Variants in ZNF331 observed in about 807,000 individuals in gnomAD.
ZNF331 encodes C2H2-like zinc finger protein rearranged in thyroid adenomas.
ZNF331 carries 2 observed loss-of-function variants against 7.0 expected under a neutral mutation model. That is an observed-to-expected ratio of 0.29 (90% confidence interval 0.12 to 0.90). The LOEUF (loss-of-function observed/expected upper bound fraction) is 0.90, where lower values mean the gene tolerates loss of function less well. Ranked by LOEUF, ZNF331 falls within the 40% of genes least tolerant of loss-of-function variation. The pLI is 0.58. For missense variants in ZNF331, 432 were observed against 587.7 expected, an observed-to-expected ratio of 0.74 and a Z score of 2.74; for synonymous variants, 196 against 205.4, an observed-to-expected ratio of 0.95 and a Z score of 0.39.
chr19:53,508,859 G>A, the ZNF331 span, among the ~76,000 whole-genome samples: 1 of 152,256 alleles, frequency 6.6e-6, no homozygotes, highest in Non-Finnish European at 1.5e-5. Context: ...GACAGTAGGG[G>A]ATCATGAGAA....
At chr19:53,533,357 G>A (rs1244340072), upstream of ZNF331, among the ~76,000 whole-genome samples, 1 of 152,148 alleles carries the variant, frequency 6.6e-6, no homozygotes, top group Non-Finnish European at 1.5e-5. Context: ...AAAGATGCTT[G>A]ATAGGATTTC....
chr19:53,550,575 C>CACCCATG (rs2088929403), intron 2 of ZNF331, among the ~76,000 whole-genome samples: 1 of 103,234 alleles, frequency 9.7e-6, no homozygotes, highest in African/African-American at 3.8e-5. Flanking sequence ...CTCGCTGTAT[C>CACCCATG]ACCCATGCTG....
At chr19:53,534,218 G>A (rs2087650864), upstream of ZNF331, among the ~76,000 whole-genome samples, 1 of 152,052 alleles carries the variant, frequency 6.6e-6, no homozygotes, top group Non-Finnish European at 1.5e-5. Context: ...CTTTTTGGAG[G>A]CTCTAGGAGG....
rs1217855839 is a variant in ZNF331, at chr19:53,571,643, CAGG to C, written c.55_57del (p.Glu19del). On this transcript the variant is annotated inframe_deletion, in exon 5 of 6. Coordinates refer to ENST00000449416, the MANE Select transcript of ZNF331 (RefSeq NM_001079906.2). The surrounding 1 kb of genome is among the most constrained non-coding windows in gnomAD (Gnocchi z 4.7). ...CGCCGACGTAGCCATAGACTTTTCT[CAGG>C]AGGAGTGGGCCTGTCTGAACTCTGC... 1 of 1,614,096 alleles carries C rather than the reference CAGG, an allele frequency of 6.2e-7. No individual in the cohort carries two copies. The highest frequency in any genetic ancestry group is 1.3e-5 in the African/African-American group (1 of 75,028).
In ZNF331 at chr19:53,578,044, A is replaced by C; in HGVS notation, c.*92A>C. 7.2e-7 allele frequency: 1 copy of C among 1,390,330 alleles called. No individual in the cohort carries two copies. The highest frequency in any genetic ancestry group is 9.6e-7 in the Non-Finnish European group (1 of 1,042,750). The allele number at this position is 1,390,330 out of a possible 1,614,324, so 86.1% of individuals were successfully genotyped here. On this transcript the variant is annotated 3_prime_UTR_variant, in exon 6 of 6. Transcript: ENST00000449416. ...GTCAACTGCAGTTCAAAAATATTAA[A>C]TGGAAAATTCCAGAAATAAAGAATT...
chr19:53,536,959 A>G (rs1280401800), upstream of ZNF331, among the ~76,000 whole-genome samples: 1 of 152,206 alleles, frequency 6.6e-6, no homozygotes, highest in Non-Finnish European at 1.5e-5. Flanking sequence ...GGGTAACGTC[A>G]GTGGATTACA....
the ZNF331 span, among the ~76,000 whole-genome samples, chr19:53,510,856 A>G: frequency 2.0e-5 from 3 of 152,158 alleles, no homozygotes; most frequent in African/African-American, 4.8e-5. Flanking sequence ...TTTAATTCTT[A>G]TATACATTTA....
At chr19:53,529,086 C>G (rs1486736883) in intron 2 of ZNF331, among the ~76,000 whole-genome samples, 1 of 152,100 alleles carries the variant, frequency 6.6e-6, no homozygotes, top group Non-Finnish European at 1.5e-5. Flanking sequence ...CGCACCCAAC[C>G]TATTTTTTTG....
the ZNF331 span, among the ~76,000 whole-genome samples, chr19:53,509,735 A>G: frequency 6.6e-6 from 1 of 152,172 alleles, no homozygotes; most frequent in Non-Finnish European, 1.5e-5. Context: ...AGCTCTGATC[A>G]CATGTGGAAG....
At chr19:53,541,228 C>A (rs2088155672) in intron 2 of ZNF331, among the ~76,000 whole-genome samples, 1 of 151,420 alleles carries the variant, frequency 6.6e-6, no homozygotes. Context: ...GCCTCAGTCT[C>A]CTGAGTAGCT....
At chr19:53,543,653 G>A (rs561225062) in intron 2 of ZNF331, among the ~76,000 whole-genome samples, 1 of 152,236 alleles carries the variant, frequency 6.6e-6, no homozygotes, top group Non-Finnish European at 1.5e-5. Context: ...GACATGAGTT[G>A]GTCTTCAATA....
chr19:53,511,818 A>G, the ZNF331 span: 19 of 152,218 alleles, frequency 1.2e-4, no homozygotes, highest in African/African-American at 4.3e-4. Flanking sequence ...CTGTGATTCT[A>G]CAGAAATGCA....
At chr19:53,567,314 G>A (rs552283050) in intron 3 of ZNF331, among the ~76,000 whole-genome samples, 1 of 152,238 alleles carries the variant, frequency 6.6e-6, no homozygotes, top group African/African-American at 2.4e-5. Flanking sequence ...GGCCAGAAGA[G>A]GCCCAAGTTT....
At chr19:53,520,228 A>G (rs1342140291), upstream of ZNF331, among the ~76,000 whole-genome samples, 1 of 121,118 alleles carries the variant, frequency 8.3e-6, no homozygotes, top group African/African-American at 3.3e-5. Context: ...TTGCATTTTT[A>G]GAGCGATGGG....
In ZNF331 at chr19:53,571,783, C is replaced by T; in HGVS notation, c.136+53C>T. 3 of 1,540,708 alleles carry T rather than the reference C, an allele frequency of 1.9e-6. No homozygotes were observed. Among genetic ancestry groups the T allele is most frequent in the Admixed American group, 2.1e-5 (1 of 47,096 alleles). On this transcript the variant is annotated intron_variant, in intron 5 of 5. Coordinates refer to ENST00000449416, the MANE Select transcript of ZNF331 (RefSeq NM_001079906.2). This position sits in a 1 kb window ranked among gnomAD's most constrained non-coding sequence, Gnocchi z 4.7. ...ACTGCCTCCTGGAATATCCGCTCTC[C>T]CCTGTGAATTTCAGGACCGCCTTTC... is the stretch of plus-strand genomic sequence containing the variant.
rs1010802046 is a variant in ZNF331, at chr19:53,573,156, T to C, written c.136+1426T>C. On this transcript the variant is annotated intron_variant, in intron 5 of 5. Transcript: ENST00000449416. This position sits in a 1 kb window ranked among gnomAD's most constrained non-coding sequence, Gnocchi z 4.2. ...ATCATTTGAACCTGGGAAGCAGAGGTTGCAGTGAGCCAAGATCACGCTACT... is the reference window on the plus strand; with the variant it reads ...ATCATTTGAACCTGGGAAGCAGAGGCTGCAGTGAGCCAAGATCACGCTACT... Among the ~76,000 whole-genome samples, 2 of 151,504 alleles carry C rather than the reference T, an allele frequency of 1.3e-5. No homozygotes were observed. Among genetic ancestry groups the C allele is most frequent in the Non-Finnish European group, 2.9e-5 (2 of 67,922 alleles).
upstream of ZNF331, among the ~76,000 whole-genome samples, chr19:53,533,503 C>A (rs2087620979): frequency 6.6e-6 from 1 of 152,130 alleles, no homozygotes; most frequent in Admixed American, 6.5e-5. Context: ...CTGATAAGTC[C>A]ATTTGGTCTA....
intron 2 of ZNF331, among the ~76,000 whole-genome samples, chr19:53,547,253 A>AT (rs906209339): frequency 1.1e-4 from 17 of 151,840 alleles, no homozygotes; most frequent in African/African-American, 3.4e-4. Context: ...TGTGAGTTGG[A>AT]TTTTTTTTAC....
At chr19:53,541,604 T>C (rs2088182649) in intron 2 of ZNF331, among the ~76,000 whole-genome samples, 1 of 152,110 alleles carries the variant, frequency 6.6e-6, no homozygotes, top group Non-Finnish European at 1.5e-5. Context: ...TGTACCCTGC[T>C]CCTATCTTGT....
Sources: gnomAD v4.1 joint callset for allele counts (sites outside exome capture counted in the v4.1 genomes callset) on GRCh38, gnomAD v4.1.1 for gene constraint, Gnocchi (gnomAD v3.1) non-coding constraint, MANE v1.5 for transcripts, NCBI Gene and HGNC (gene_info 2026-07-23, HGNC 2026-07-21) for gene names.